The following ZSCAN30 variants were observed in gnomAD, a reference collection of about 807,000 sequenced individuals.
ZSCAN30 encodes the protein zinc finger and SCAN domain-containing protein 30.
ZSCAN30 carries 37 observed loss-of-function variants against 44.3 expected under a neutral mutation model. The ratio of observed to expected loss-of-function variants is 0.84; its 90% CI spans 0.64 to 1.10. The LOEUF is 1.10. Among genes scored for constraint, ZSCAN30 ranks in the 50% least tolerant of loss-of-function variants. ZSCAN30 has a pLI of 0.00. For missense variants in ZSCAN30, 549 were observed against 582.6 expected, an observed-to-expected ratio of 0.94 and a Z score of 0.59; for synonymous variants, 181 against 204.6, an observed-to-expected ratio of 0.88 and a Z score of 0.98.
At chr18:35,256,886 A>G (rs1299554780) in intron 3 of ZSCAN30, among the ~76,000 whole-genome samples, 1 of 152,148 alleles carries the variant, frequency 6.6e-6, no homozygotes, top group African/African-American at 2.4e-5. Flanking sequence ...GGATCCTCCC[A>G]CCTCAGTCTC....
chr18:35,254,625 C>A, intron 3 of ZSCAN30: 2 of 624,608 alleles, frequency 3.2e-6, no homozygotes, highest in Non-Finnish European at 5.3e-6. Context: ...CAAGGAAAGA[C>A]ATTAGTTAGA....
chr18:35,258,119 G>A, intron 3 of ZSCAN30: 1 of 667,790 alleles, frequency 1.5e-6, no homozygotes, highest in South Asian at 1.7e-5. Flanking sequence ...TAAACCTCAT[G>A]ACCTAGGTGA....
In ZSCAN30 at chr18:35,264,357, G is replaced by C. The variant is rs1026482947; in HGVS notation, c.-5C>G. ...GACTGTGGCCTCTCCTGACATTCTG[G>C]GCAGAGACAGTCTGAAAAGGCTGCC... On this transcript the variant is annotated 5_prime_UTR_variant, in exon 2 of 4. Coordinates refer to ENST00000333206, the MANE Select transcript of ZSCAN30 (RefSeq NM_001112734.4). 7 of 1,608,018 alleles carry C rather than the reference G, an allele frequency of 4.4e-6. No individual in the cohort carries two copies. The African/African-American group carries it at 6.7e-5, about 15-fold the overall frequency.
intron 3 of ZSCAN30, chr18:35,260,146 A>G (rs1292106425): frequency 1.3e-5 from 2 of 152,258 alleles, no homozygotes; most frequent in East Asian, 3.8e-4. Flanking sequence ...TTTGCTGAGG[A>G]TAATGGCTTC....
rs145089209 is a variant in ZSCAN30 at position 35,288,717 on chromosome 18, A to G, written c.-104+1367T>C. ...GACAAAAACAAGGACATTCTGTATG[A>G]TTCCATTTAAATAAATATCTAGAAA... On this transcript the variant is annotated intron_variant, in intron 1 of 3. Transcript: ENST00000333206. Among the ~76,000 whole-genome samples, 374 of 152,374 alleles carry G rather than the reference A, an allele frequency of 2.5e-3. 3 individuals are homozygous for G. Among genetic ancestry groups the G allele is most frequent in the African/African-American group, 8.3e-3 (347 of 41,598 alleles).
chr18:35,281,057 A>G (rs1011898713), intron 1 of ZSCAN30: 2 of 152,356 alleles, frequency 1.3e-5, no homozygotes, highest in South Asian at 2.1e-4. Context: ...TAAATTTACT[A>G]TCTCAAAAAG....
chr18:35,268,004 A>C (rs2044198089), intron 1 of ZSCAN30: 1 of 152,154 alleles, frequency 6.6e-6, no homozygotes, highest in African/African-American at 2.4e-5. Flanking sequence ...GGGGCAGGAG[A>C]AGCTGTAAAG....
chr18:35,260,272 T>C (rs1285533097), intron 3 of ZSCAN30: 1 of 152,236 alleles, frequency 6.6e-6, no homozygotes, highest in Non-Finnish European at 1.5e-5. Flanking sequence ...TGGTAGGCAT[T>C]TGAGTTGAAT....
chr18:35,277,144 T>C (rs2044380536), intron 1 of ZSCAN30, among the ~76,000 whole-genome samples: 1 of 152,220 alleles, frequency 6.6e-6, no homozygotes, highest in African/African-American at 2.4e-5. Flanking sequence ...TTGGAATAGG[T>C]GTATTTACCC....
At chr18:35,254,576 CAAAG>C (rs2043726835) in intron 3 of ZSCAN30, 195 bp from the exon 4 acceptor site, 2 of 903,058 alleles carry the variant, frequency 2.2e-6, no homozygotes, top group Non-Finnish European at 3.3e-6. Flanking sequence ...GTAAGGTAGA[CAAAG>C]AAATGAATTA....
chr18:35,269,343 G>C (rs781253070), intron 1 of ZSCAN30: 2 of 151,908 alleles, frequency 1.3e-5, no homozygotes, highest in African/African-American at 2.4e-5. Context: ...CTATAACATA[G>C]ATAACCCCTC....
intron 1 of ZSCAN30, among the ~76,000 whole-genome samples, chr18:35,285,835 A>G (rs2044540387): frequency 6.6e-6 from 1 of 152,080 alleles, no homozygotes; most frequent in Non-Finnish European, 1.5e-5. Context: ...CAAAGCAAGG[A>G]GAAAAAAGGA....
chr18:35,284,006 C>T (rs1283158597), intron 1 of ZSCAN30: 1 of 152,528 alleles, frequency 6.6e-6, no homozygotes, highest in African/African-American at 2.4e-5. Flanking sequence ...AGAGGAGACC[C>T]TGGAGTGGGT....
intron 3 of ZSCAN30, chr18:35,258,893 A>G (rs1478849228): frequency 6.5e-6 from 1 of 152,700 alleles, no homozygotes; most frequent in African/African-American, 2.4e-5. Flanking sequence ...AAAAAAAAAA[A>G]AAAAAAAAGG....
At chr18:35,267,731 C>T (rs116182672) in intron 1 of ZSCAN30, 1 of 150,792 alleles carries the variant, frequency 6.6e-6, no homozygotes. Context: ...ATTATATATT[C>T]TATATATTTT....
chr18:35,283,486 T>A (rs371050497), intron 1 of ZSCAN30: 7 of 152,288 alleles, frequency 4.6e-5, no homozygotes, highest in African/African-American at 1.7e-4. Flanking sequence ...GCTTGGCTAA[T>A]GCTACCAGCC....
Position 35,254,049 on chromosome 18 carries a change from T to A in ZSCAN30, c.886A>T (p.Thr296Ser), listed in dbSNP as rs776410333. ...AAGCACTCATAGAGCTTTTCCCTAGTGTCAACGCTCTGTTGTGTAATATCA... is the reference window on the plus strand; with the variant it reads ...AAGCACTCATAGAGCTTTTCCCTAGAGTCAACGCTCTGTTGTGTAATATCA... ...SNDITQQSVD[T>S]REKLYECFDC... The change falls in exon 4 of 4, where the codon ACT becomes TCT. Residue 296 changes from threonine to serine, a missense_variant. Thr to Ser is a moderately conservative substitution (Grantham distance 58, BLOSUM62 1). Transcript: ENST00000333206. 3 of 1,614,164 alleles carry A rather than the reference T, an allele frequency of 1.9e-6. 1 individual carries two copies. In the South Asian group the frequency reaches 3.3e-5, roughly 18 times the overall value.
chr18:35,277,331 G>C (rs2044383472), intron 1 of ZSCAN30, among the ~76,000 whole-genome samples: 1 of 152,194 alleles, frequency 6.6e-6, no homozygotes, highest in Non-Finnish European at 1.5e-5. Context: ...TTTGAAATGT[G>C]AGGACATGAG....
At chr18:35,267,338 G>A (rs2044176534) in intron 1 of ZSCAN30, 1 of 152,346 alleles carries the variant, frequency 6.6e-6, no homozygotes, top group Non-Finnish European at 1.5e-5. Flanking sequence ...GACCGACGGA[G>A]AGGCGGGCGG....
Sources: allele counts gnomAD v4.1 joint callset (sites outside exome capture counted in the v4.1 genomes callset), GRCh38; gene constraint gnomAD v4.1.1; transcripts MANE v1.5; gene names NCBI Gene and HGNC (gene_info 2026-07-23, HGNC 2026-07-21).